The following BBIP1 variants were observed in gnomAD, a reference collection of about 807,000 sequenced individuals.
BBIP1 encodes BBSome-interacting protein 1.
BBIP1 carries 6 observed loss-of-function variants against 8.9 expected under a neutral mutation model. The observed-to-expected ratio is 0.67, with a 90% confidence interval of 0.37 to 1.33. BBIP1 has a LOEUF of 1.33. Among genes scored for constraint, BBIP1 ranks in the 40% most tolerant of loss-of-function variants. The pLI, the probability that BBIP1 is intolerant of heterozygous loss-of-function variation, is 0.02. For missense variants in BBIP1, 111 were observed against 109.2 expected, an observed-to-expected ratio of 1.02 and a Z score of -0.07; for synonymous variants, 32 against 33.4, an observed-to-expected ratio of 0.96 and a Z score of 0.14.
At chr10:110,901,846 A>AT (rs2134019206) in intron 2 of BBIP1, 10 of 459,100 alleles carry the variant, frequency 2.2e-5, no homozygotes, top group East Asian at 3.8e-5. Flanking sequence ...AGGTGTTGTA[A>AT]TTTTTTTTCT....
At chr10:110,904,753 A>C (rs1846089498) in intron 2 of BBIP1, 1 of 152,230 alleles carries the variant, frequency 6.6e-6, no homozygotes, top group African/African-American at 2.4e-5. Context: ...GCAATAGATG[A>C]AGCTGACTAA....
intron 2 of BBIP1, among the ~76,000 whole-genome samples, chr10:110,916,974 G>A (rs1295902517): frequency 6.6e-6 from 1 of 152,134 alleles, no homozygotes; most frequent in Non-Finnish European, 1.5e-5. Context: ...AGAAGGCTTA[G>A]TCATGACTAG....
chr10:110,918,196 T>A lies in BBIP1; in HGVS notation c.-39A>T. 1 of 1,506,522 alleles carries A rather than the reference T, an allele frequency of 6.6e-7. No homozygotes were observed. The highest frequency in any genetic ancestry group is 8.9e-7 in the Non-Finnish European group (1 of 1,120,138). 93.3% of individuals were successfully genotyped at this position (1,506,522 alleles called of 1,614,324 possible). A position where few individuals can be genotyped will look rare whatever the true frequency, so the allele number is the denominator to read the frequency against. On this transcript the variant is annotated 5_prime_UTR_variant, in exon 2 of 4. Coordinates refer to ENST00000448814, the MANE Select transcript of BBIP1 (RefSeq NM_001195305.3). The stretch of plus-strand genomic sequence containing the variant: ...ACCAAGATGACTTAGAGTTCTTGAC[T>A]CAAGCATACAGAAGAAACTACAAGA...
At chr10:110,907,699 C>T (rs1200682547) in intron 2 of BBIP1, 5 of 697,836 alleles carry the variant, frequency 7.2e-6, no homozygotes, top group South Asian at 6.0e-5. Context: ...TTGTATACCC[C>T]TCCGATTGTC....
At chr10:110,918,087 T>C in intron 2 of BBIP1, 34 bp downstream of exon 2, 9 of 1,528,736 alleles carry the variant, frequency 5.9e-6, no homozygotes, top group Non-Finnish European at 7.9e-6. Flanking sequence ...TCTGTATTGT[T>C]GACTGGCTGG....
At position 110,900,282 on chromosome 10, in the gene BBIP1, A is replaced by G. The variant is rs1845957160; in HGVS notation, c.*78T>C. The stretch of plus-strand genomic sequence containing the variant: ...TTTATTGATAACACATACTACTTTC[A>G]GCACACAGAAGCATATTTTCTAGTT... On this transcript the variant is annotated 3_prime_UTR_variant, in exon 4 of 4. Transcript: ENST00000448814. The G allele has an allele frequency of 7.7e-7, 1 of 1,301,848 alleles. No individual in the cohort carries two copies. The highest frequency in any genetic ancestry group is 2.7e-5 in the Admixed American group (1 of 36,390). The allele number at this position is 1,301,848 out of a possible 1,614,324, so 80.6% of individuals were successfully genotyped here.
chr10:110,909,729 T>G (rs1326171571), intron 2 of BBIP1, among the ~76,000 whole-genome samples: 1 of 152,238 alleles, frequency 6.6e-6, no homozygotes, highest in East Asian at 1.9e-4. Context: ...CCTTGTATTC[T>G]ATTTGGAAAT....
chr10:110,901,289 A>T (rs1564689754), intron 3 of BBIP1: 1 of 484,196 alleles, frequency 2.1e-6, no homozygotes, highest in Non-Finnish European at 3.8e-6. Flanking sequence ...TCTTAAAAAA[A>T]ATTCATATTG....
At chr10:110,908,792 TAAA>T (rs11320285) in intron 2 of BBIP1, among the ~76,000 whole-genome samples, 8 of 142,526 alleles carry the variant, frequency 5.6e-5, no homozygotes, top group Non-Finnish European at 7.6e-5. Flanking sequence ...AAGGAATGCT[TAAA>T]AAAAAAAAAA....
chr10:110,918,281 T>TC, intron 1 of BBIP1, 68 bp from the exon 2 acceptor site: 1 of 800,318 alleles, frequency 1.2e-6, no homozygotes, highest in East Asian at 2.8e-5. Flanking sequence ...TCAAAAATCT[T>TC]CAACACGTTG....
chr10:110,907,526 A>AAAAG (rs1554851647), intron 2 of BBIP1: 11 of 497,982 alleles, frequency 2.2e-5, no homozygotes, highest in African/African-American at 1.8e-4. Flanking sequence ...AAAAAAAAAA[A>AAAAG]AAAAGAAAAG....
chr10:110,909,642 C>G (rs1846227063), intron 2 of BBIP1, among the ~76,000 whole-genome samples: 1 of 152,212 alleles, frequency 6.6e-6, no homozygotes, highest in Non-Finnish European at 1.5e-5. Flanking sequence ...AGCCTAGCTC[C>G]TAGTTCTCTG....
At chr10:110,901,266 G>C in intron 3 of BBIP1, 1 of 430,312 alleles carries the variant, frequency 2.3e-6, no homozygotes. Flanking sequence ...GGGTGGCAGA[G>C]TGACAACCTG....
At chr10:110,902,981 C>G (rs1846041985) in intron 2 of BBIP1, 1 of 151,740 alleles carries the variant, frequency 6.6e-6, no homozygotes, top group African/African-American at 2.4e-5. Context: ...CCTGATTAGC[C>G]TTGAATTGAA....
At chr10:110,913,173 C>A (rs1200199210) in intron 2 of BBIP1, among the ~76,000 whole-genome samples, 1 of 152,210 alleles carries the variant, frequency 6.6e-6, no homozygotes, top group Non-Finnish European at 1.5e-5. Context: ...CGCTAACTAG[C>A]TGTGTGACCT....
chr10:110,904,706 G>T (rs1351157003), intron 2 of BBIP1: 1 of 152,126 alleles, frequency 6.6e-6, no homozygotes, highest in African/African-American at 2.4e-5. Flanking sequence ...AAATAAGAGT[G>T]TTCATTAAAG....
intron 2 of BBIP1, 197 bp downstream of exon 2, chr10:110,917,924 A>T: frequency 1.7e-6 from 1 of 598,656 alleles, no homozygotes; most frequent in Non-Finnish European, 3.0e-6. Context: ...CTGGAAACAC[A>T]TCTCCACGGG....
chr10:110,915,607 G>A (rs1846384027), intron 2 of BBIP1, among the ~76,000 whole-genome samples: 1 of 152,122 alleles, frequency 6.6e-6, no homozygotes, highest in African/African-American at 2.4e-5. Context: ...ACCATAAACT[G>A]ACTGCACTCC....
At chr10:110,911,877 A>G (rs551346009) in intron 2 of BBIP1, 38 of 152,286 alleles carry the variant, frequency 2.5e-4, no homozygotes, top group African/African-American at 8.7e-4. Context: ...AAGATGGTGG[A>G]GAGATAATCG....
Sources: gnomAD v4.1 joint callset for allele counts (sites outside exome capture counted in the v4.1 genomes callset) on GRCh38, gnomAD v4.1.1 for gene constraint, MANE v1.5 for transcripts, NCBI Gene and HGNC (gene_info 2026-07-23, HGNC 2026-07-21) for gene names.